ACTR3C: variants seen among roughly 807,000 people sequenced by gnomAD.
ACTR3C encodes actin-related protein 3C.
ACTR3C carries 18 observed loss-of-function variants against 26.3 expected under a neutral mutation model. The observed-to-expected ratio is 0.68, with a 90% CI of 0.47 to 1.01. The LOEUF (loss-of-function observed/expected upper bound fraction) is 1.01, where lower values mean the gene tolerates loss of function less well. Among genes scored for constraint, ACTR3C ranks in the 50% least tolerant of loss-of-function variants. ACTR3C has a pLI of 0.00. For synonymous variants in ACTR3C, 55 were observed against 94.5 expected (o/e 0.58, Z 2.42); for missense variants, 184 against 250.7 (o/e 0.73, Z 1.80).
At chr7:149,935,582 A>T in the ACTR3C span, among the ~76,000 whole-genome samples, 2 of 146,104 alleles carry the variant, frequency 1.4e-5, no homozygotes, top group African/African-American at 5.1e-5. Context: ...TTGTATTTTT[A>T]GTAGAGACAG....
At chr7:150,124,965 G>A in the ACTR3C span, among the ~76,000 whole-genome samples, 6 of 152,130 alleles carry the variant, frequency 3.9e-5, no homozygotes, top group Non-Finnish European at 8.8e-5. Flanking sequence ...AGTTGCCTCC[G>A]ACCTCACATT....
At chr7:150,038,862 T>A in the ACTR3C span, among the ~76,000 whole-genome samples, 1 of 130,498 alleles carries the variant, frequency 7.7e-6, no homozygotes, top group Non-Finnish European at 1.7e-5. Flanking sequence ...AGGGGCTGGC[T>A]CTCAGTCCCT....
chr7:149,994,100 C>T, the ACTR3C span, among the ~76,000 whole-genome samples: 1 of 152,148 alleles, frequency 6.6e-6, no homozygotes, highest in Admixed American at 6.5e-5. Flanking sequence ...GTTGTCCATT[C>T]AGTTATCCTC....
At chr7:150,280,647 A>G (rs1835239399) in intron 6 of ACTR3C, among the ~76,000 whole-genome samples, 1 of 152,190 alleles carries the variant, frequency 6.6e-6, no homozygotes, top group Non-Finnish European at 1.5e-5. Flanking sequence ...GAGGAATCTT[A>G]CATATTCTCA....
At chr7:149,936,777 G>A in the ACTR3C span, among the ~76,000 whole-genome samples, 1 of 152,182 alleles carries the variant, frequency 6.6e-6, no homozygotes, top group Non-Finnish European at 1.5e-5. Flanking sequence ...TATGTCTGAT[G>A]TATTTTATTT....
At chr7:149,913,976 C>T in the ACTR3C span, among the ~76,000 whole-genome samples, 1 of 151,248 alleles carries the variant, frequency 6.6e-6, no homozygotes, top group African/African-American at 2.4e-5. Context: ...GCCTCAACCT[C>T]CTGGGCTCAA....
chr7:149,913,918 C>T, the ACTR3C span, among the ~76,000 whole-genome samples: 1 of 142,448 alleles, frequency 7.0e-6, no homozygotes, highest in Admixed American at 7.3e-5. Context: ...GACAGTCTCA[C>T]TCTGTCACCC....
At chr7:150,099,981 C>CA in the ACTR3C span, among the ~76,000 whole-genome samples, 1 of 151,842 alleles carries the variant, frequency 6.6e-6, no homozygotes, top group South Asian at 2.1e-4. Context: ...CAGGAAACGT[C>CA]AGCTATTGTC....
chr7:149,932,554 C>T, the ACTR3C span, among the ~76,000 whole-genome samples: 2 of 152,134 alleles, frequency 1.3e-5, no homozygotes, highest in South Asian at 2.1e-4. Context: ...TCAAACACAA[C>T]GACAATGTTT....
At chr7:150,150,390 G>C in the ACTR3C span, among the ~76,000 whole-genome samples, 1 of 152,178 alleles carries the variant, frequency 6.6e-6, no homozygotes, top group African/African-American at 2.4e-5. Flanking sequence ...CTACAGATGG[G>C]AGACAGGGAG....
At chr7:150,252,974 C>T (rs1167668486) in intron 6 of ACTR3C, among the ~76,000 whole-genome samples, 2 of 151,196 alleles carry the variant, frequency 1.3e-5, no homozygotes, top group African/African-American at 2.5e-5. Flanking sequence ...GATTCTGCAG[C>T]GGTAAGCCCT....
the ACTR3C span, among the ~76,000 whole-genome samples, chr7:149,952,985 TAATG>T: frequency 2.6e-5 from 4 of 152,270 alleles, no homozygotes; most frequent in South Asian, 8.3e-4. Flanking sequence ...GGAAATTATT[TAATG>T]AATGTACAAA....
the ACTR3C span, among the ~76,000 whole-genome samples, chr7:150,098,744 C>T: frequency 1.9e-3 from 286 of 151,944 alleles, 4 homozygotes; most frequent in African/African-American, 6.1e-3. Flanking sequence ...CTCCATGCTC[C>T]GTGGTAACAT....
the ACTR3C span, among the ~76,000 whole-genome samples, chr7:149,938,191 C>T: frequency 6.6e-6 from 1 of 152,178 alleles, no homozygotes; most frequent in Admixed American, 6.5e-5. Flanking sequence ...CACAGTAACA[C>T]CTGCTAGTGG....
the ACTR3C span, among the ~76,000 whole-genome samples, chr7:150,017,151 C>T: frequency 6.6e-6 from 1 of 152,098 alleles, no homozygotes; most frequent in South Asian, 2.1e-4. Flanking sequence ...TCACAGCCCA[C>T]TTCCCACTGT....
At chr7:150,219,859 G>C in the ACTR3C span, among the ~76,000 whole-genome samples, 23 of 145,102 alleles carry the variant, frequency 1.6e-4, no homozygotes, top group South Asian at 4.9e-3. Context: ...TCTGGCCCAG[G>C]GGGGTCTGAT....
the ACTR3C span, among the ~76,000 whole-genome samples, chr7:150,119,480 A>G: frequency 2.0e-5 from 3 of 152,236 alleles, no homozygotes; most frequent in East Asian, 5.8e-4. Context: ...GTCAAAAATG[A>G]CAAGGAAGGG....
intron 1 of ACTR3C, among the ~76,000 whole-genome samples, chr7:150,306,566 G>A (rs1254893096): frequency 6.6e-6 from 1 of 152,234 alleles, no homozygotes; most frequent in African/African-American, 2.4e-5. Flanking sequence ...ACAACTGTGG[G>A]CCGGGTATGG....
the ACTR3C span, among the ~76,000 whole-genome samples, chr7:150,184,637 C>T: frequency 2.0e-5 from 3 of 150,552 alleles, no homozygotes; most frequent in Admixed American, 6.6e-5. Flanking sequence ...TCTTTCCTCA[C>T]TCCTTCTCCA....
Sources: allele counts gnomAD v4.1 joint callset (sites outside exome capture counted in the v4.1 genomes callset), GRCh38; gene constraint gnomAD v4.1.1; transcripts MANE v1.5; gene names NCBI Gene and HGNC (gene_info 2026-07-23, HGNC 2026-07-21).